RASAL2: variants seen among roughly 807,000 people sequenced by gnomAD.
The protein encoded by RASAL2 is RAS protein activator like 2, also known as ras GTPase-activating protein nGAP.
A neutral mutation model predicts 128.9 loss-of-function variants in RASAL2; 58 were observed. The ratio of observed to expected loss-of-function variants is 0.45; its 90% CI spans 0.36 to 0.56. The LOEUF (loss-of-function observed/expected upper bound fraction) is 0.56. Among genes scored for constraint, RASAL2 ranks in the 20% least tolerant of loss-of-function variants. The pLI is 0.00. For synonymous variants in RASAL2, 561 were observed against 580.8 expected, an observed-to-expected ratio of 0.97 and a Z score of 0.49; for missense variants, 1,360 against 1,601.6, an observed-to-expected ratio of 0.85 and a Z score of 2.57.
chr1:178,331,421 C>T lies in RASAL2; in HGVS notation c.457+31303C>T, dbSNP rs1338627011. On this transcript the variant is annotated intron_variant, in intron 3 of 17. Coordinates refer to ENST00000367649, the MANE Select transcript of RASAL2 (RefSeq NM_170692.4). ...CCCTTATAAAAATAAATTTATTTGT[C>T]AAGTTGTCTATTTTACTGTTATTTA... 2.0e-5 allele frequency among the ~76,000 whole-genome samples: 3 copies of T among 152,084 alleles called. No homozygotes were observed. The East Asian group carries it at 5.8e-4, about 29-fold the overall frequency.
intron 3 of RASAL2, among the ~76,000 whole-genome samples, chr1:178,310,167 A>T (rs1668173644): frequency 6.6e-6 from 1 of 152,226 alleles, no homozygotes; most frequent in African/African-American, 2.4e-5. Context: ...AAACTACTGG[A>T]TGATAATAGC....
chr1:178,428,641 G>A (rs929527269), intron 5 of RASAL2, among the ~76,000 whole-genome samples: 5 of 151,820 alleles, frequency 3.3e-5, no homozygotes, highest in African/African-American at 9.7e-5. Flanking sequence ...TCAGGCTAGC[G>A]TGCAGTGGTG....
chr1:178,290,821 G>A (rs888944395), intron 2 of RASAL2, among the ~76,000 whole-genome samples: 4 of 151,946 alleles, frequency 2.6e-5, no homozygotes, highest in South Asian at 2.1e-4. Flanking sequence ...GACTACAGGC[G>A]CCCACCACCA....
rs764540565 is a variant in RASAL2 at position 178,457,690 on chromosome 1, C to T, written c.2398C>T (p.His800Tyr). Reference protein sequence around the residue: ...IFEDPTDSDLHKLKSPSQDNT... With the variant: ...IFEDPTDSDLYKLKSPSQDNT... ...TCCTTTCCTTTTCCACAGTGATTTGCATAAACTAAAATCTCCAAGCCAGGA... is the reference window on the plus strand; with the variant it reads ...TCCTTTCCTTTTCCACAGTGATTTGTATAAACTAAAATCTCCAAGCCAGGA... Residue 800 changes from histidine to tyrosine, a missense_variant, in exon 14 of 18, where the codon CAT becomes TAT. This residue lies in a region of RASAL2 where 741 missense variants were observed against 868.6 expected (regional missense o/e 0.85). Coordinates refer to ENST00000367649, the MANE Select transcript of RASAL2 (RefSeq NM_170692.4). 9.9e-6 allele frequency: 16 copies of T among 1,612,610 alleles called. No homozygotes were observed. Among genetic ancestry groups the T allele is most frequent in the South Asian group, 2.2e-5 (2 of 90,886 alleles).
At chr1:178,127,361 T>C (rs1478543722) in intron 1 of RASAL2, among the ~76,000 whole-genome samples, 10 of 152,182 alleles carry the variant, frequency 6.6e-5, no homozygotes, top group Admixed American at 6.5e-4. Context: ...TATTCTGAAA[T>C]AGAAGCGTTT....
At chr1:178,432,747 T>C (rs1205100583) in intron 5 of RASAL2, among the ~76,000 whole-genome samples, 1 of 152,090 alleles carries the variant, frequency 6.6e-6, no homozygotes, top group African/African-American at 2.4e-5. Context: ...TCAAAGCCTA[T>C]TTACCTCCTA....
chr1:178,110,387 T>G (rs1156395243), intron 1 of RASAL2, among the ~76,000 whole-genome samples: 2 of 151,824 alleles, frequency 1.3e-5, no homozygotes. Flanking sequence ...GCATATAGTT[T>G]AGGCTTATCC....
chr1:178,250,189 C>G (rs1233355319), intron 1 of RASAL2, among the ~76,000 whole-genome samples: 1 of 152,168 alleles, frequency 6.6e-6, no homozygotes, highest in African/African-American at 2.4e-5. Flanking sequence ...CGCCCCTTCC[C>G]CCAGGGTGCT....
At chr1:178,347,330 C>T (rs777647266) in intron 3 of RASAL2, among the ~76,000 whole-genome samples, 2 of 152,182 alleles carry the variant, frequency 1.3e-5, no homozygotes, top group African/African-American at 4.8e-5. Flanking sequence ...CTCTTTCCCC[C>T]TATCAGACCT....
In RASAL2 at chr1:178,476,657, A is replaced by G. The variant is rs142854104; in HGVS notation, c.*3418A>G. ...GTGTTAAGATTATGAAAGAAAAAGA[A>G]GATTACCTAAGACTGCTACAAGTGT... On this transcript the variant is annotated 3_prime_UTR_variant, in exon 18 of 18. Transcript: ENST00000367649. The G allele has an allele frequency of 3.9e-5, 6 of 152,304 alleles. No individual in the cohort carries two copies. Among genetic ancestry groups the G allele is most frequent in the Non-Finnish European group, 5.9e-5 (4 of 68,034 alleles). The allele number at this position is 152,304 out of a possible 1,614,324, so 9.4% of individuals were successfully genotyped here.
chr1:178,154,051 G>C (rs1181162096), intron 1 of RASAL2, among the ~76,000 whole-genome samples: 3 of 151,846 alleles, frequency 2.0e-5, no homozygotes, highest in African/African-American at 7.3e-5. Context: ...GGTCAGGCTG[G>C]TCTTGAACTC....
At chr1:178,414,514 T>C (rs1322237279) in intron 4 of RASAL2, among the ~76,000 whole-genome samples, 1 of 152,140 alleles carries the variant, frequency 6.6e-6, no homozygotes, top group Non-Finnish European at 1.5e-5. Context: ...TATTCCAGTT[T>C]GGTAGGGCAT....
chr1:178,224,472 A>G lies in RASAL2; in HGVS notation c.203-59092A>G, dbSNP rs1216080006. Among the ~76,000 whole-genome samples, 5 of 152,262 alleles carry G rather than the reference A, an allele frequency of 3.3e-5. No homozygotes were observed. The South Asian group carries it at 1.0e-3, about 32-fold the overall frequency. On this transcript the variant is annotated intron_variant, in intron 1 of 17. Coordinates refer to ENST00000367649, the MANE Select transcript of RASAL2 (RefSeq NM_170692.4). Reference sequence around the variant, plus strand: ...TGCAGGAAGTGTTTCATTGGGAAGCATATGTGCTCCAGTGATAGGAAATGG... The same window carrying G: ...TGCAGGAAGTGTTTCATTGGGAAGCGTATGTGCTCCAGTGATAGGAAATGG...
chr1:178,389,361 T>C (rs1038944044), intron 3 of RASAL2: 2 of 628,544 alleles, frequency 3.2e-6, no homozygotes, highest in African/African-American at 2.0e-5. Context: ...CATATATATA[T>C]ACACATGTAT....
chr1:178,313,210 A>T (rs1668344881), intron 3 of RASAL2, among the ~76,000 whole-genome samples: 1 of 152,240 alleles, frequency 6.6e-6, no homozygotes, highest in Admixed American at 6.5e-5. Context: ...GTGAGAGAAT[A>T]GGAGTATGTA....
chr1:178,336,498 T>C (rs752787196), intron 3 of RASAL2, among the ~76,000 whole-genome samples: 7 of 152,132 alleles, frequency 4.6e-5, no homozygotes, highest in Non-Finnish European at 1.0e-4. Flanking sequence ...CTGAGTGTTA[T>C]CTGCATTATA....
At chr1:178,366,009 ATAG>A in intron 3 of RASAL2, among the ~76,000 whole-genome samples, 1 of 152,288 alleles carries the variant, frequency 6.6e-6, no homozygotes, top group South Asian at 2.1e-4. Flanking sequence ...TATAATTTGT[ATAG>A]TAGATTATTC....
chr1:178,299,027 T>G (rs1667641971), intron 2 of RASAL2, among the ~76,000 whole-genome samples: 1 of 152,174 alleles, frequency 6.6e-6, no homozygotes, highest in African/African-American at 2.4e-5. Flanking sequence ...GATTTTTTTT[T>G]ACTATTCATA....
At chr1:178,131,997 A>G (rs1660137032) in intron 1 of RASAL2, among the ~76,000 whole-genome samples, 1 of 151,566 alleles carries the variant, frequency 6.6e-6, no homozygotes, top group Admixed American at 6.6e-5. Flanking sequence ...TTCCTTCCTC[A>G]TTGTCAGGCA....
Sources: gnomAD v4.1 joint callset for allele counts (sites outside exome capture counted in the v4.1 genomes callset) on GRCh38, gnomAD v4.1.1 for gene constraint, gnomAD v4.1.1 regional missense constraint, MANE v1.5 for transcripts, NCBI Gene and HGNC (gene_info 2026-07-23, HGNC 2026-07-21) for gene names.